The following PRKAR1B variants were observed in gnomAD, a reference collection of about 807,000 sequenced individuals.
PRKAR1B encodes cAMP-dependent protein kinase type I-beta regulatory subunit.
PRKAR1B carries 22 observed loss-of-function variants against 46.5 expected under a neutral mutation model. The ratio of observed to expected loss-of-function variants is 0.47; its 90% confidence interval spans 0.34 to 0.68. The LOEUF (loss-of-function observed/expected upper bound fraction) is 0.68, where lower values mean the gene tolerates loss of function less well. Ranked by LOEUF, PRKAR1B falls within the 30% of genes least tolerant of loss-of-function variation. The probability of loss-of-function intolerance (pLI) is 0.01; values close to 1 mark genes in which losing one functional copy is unlikely to be tolerated. For missense variants in PRKAR1B, 445 were observed against 535.6 expected, an observed-to-expected ratio of 0.83 and a Z score of 1.67; for synonymous variants, 259 against 217.7, an observed-to-expected ratio of 1.19 and a Z score of -1.67.
At chr7:635,354 C>T (rs549278612) in intron 4 of PRKAR1B, among the ~76,000 whole-genome samples, 5 of 152,314 alleles carry the variant, frequency 3.3e-5, no homozygotes, top group African/African-American at 1.2e-4. Flanking sequence ...ATGTTCGCGC[C>T]CAGGCAGACT....
chr7:568,333 G>A (rs961689477), intron 9 of PRKAR1B, among the ~76,000 whole-genome samples: 3 of 152,184 alleles, frequency 2.0e-5, no homozygotes, highest in South Asian at 4.1e-4. Flanking sequence ...AAGTTCCTCC[G>A]GCAGCTGACT....
chr7:599,951 G>A (rs1781498577), intron 6 of PRKAR1B, among the ~76,000 whole-genome samples: 1 of 139,516 alleles, frequency 7.2e-6, no homozygotes, highest in African/African-American at 2.6e-5. Flanking sequence ...CAAGAGCTGG[G>A]GGAGGCGCAC....
intron 2 of PRKAR1B, among the ~76,000 whole-genome samples, chr7:705,806 C>T (rs1780292904): frequency 6.6e-6 from 1 of 152,130 alleles, no homozygotes; most frequent in South Asian, 2.1e-4. Flanking sequence ...GCAGGTGGAT[C>T]ACCTGAGGTC....
At chr7:639,886 C>T (rs889018954) in intron 4 of PRKAR1B, among the ~76,000 whole-genome samples, 1 of 151,522 alleles carries the variant, frequency 6.6e-6, no homozygotes, top group East Asian at 1.9e-4. Context: ...AAAAACTGGC[C>T]GGGTGCAGTG....
At position 677,912 on chromosome 7, in the gene PRKAR1B, C is replaced by T. The variant is rs1282751714; in HGVS notation, c.349-592G>A. Among the ~76,000 whole-genome samples, 4 of 152,334 alleles carry T rather than the reference C, an allele frequency of 2.6e-5. No individual in the cohort carries two copies. The South Asian group carries it at 6.2e-4, about 24-fold the overall frequency. On this transcript the variant is annotated intron_variant, in intron 3 of 10. Transcript: ENST00000537384. ...GAGCCTATCGCTCTAGGCTACAAAT[C>T]TGTACAGGATGTGGCCATCCTCAAC... is the stretch of plus-strand genomic sequence containing the variant.
chr7:635,860 G>A lies in PRKAR1B; in HGVS notation c.441-28408C>T, dbSNP rs529071802. 1.8e-4 allele frequency among the ~76,000 whole-genome samples: 28 copies of A among 152,100 alleles called. 1 individual carries two copies. Among genetic ancestry groups the A allele is most frequent in the Non-Finnish European group, 2.4e-4 (16 of 67,940 alleles). On this transcript the variant is annotated intron_variant, in intron 4 of 10. Coordinates refer to ENST00000537384, the MANE Select transcript of PRKAR1B (RefSeq NM_001164760.2). ...ATTTCAGCAGGCCACTTAATCGCCA[G>A]GCCTCAGTTTCCCCATCTGTGAAAC...
chr7:628,418 C>G (rs1783534595), intron 4 of PRKAR1B, among the ~76,000 whole-genome samples: 1 of 152,246 alleles, frequency 6.6e-6, no homozygotes, highest in Admixed American at 6.5e-5. Flanking sequence ...AGAGGCCTCT[C>G]TCCAGACTGG....
chr7:559,616 C>T (rs1457852524), intron 9 of PRKAR1B, among the ~76,000 whole-genome samples: 2 of 152,186 alleles, frequency 1.3e-5, no homozygotes, highest in Non-Finnish European at 2.9e-5. Context: ...GGAGGAGACA[C>T]ACTAGGAAGC....
At chr7:572,639 G>A (rs543020518) in intron 9 of PRKAR1B, among the ~76,000 whole-genome samples, 354 of 152,316 alleles carry the variant, frequency 2.3e-3, no homozygotes, top group African/African-American at 8.2e-3. Context: ...TCACATCTTC[G>A]GGCGGAGTGG....
chr7:632,509 C>T (rs1453612548), intron 4 of PRKAR1B, among the ~76,000 whole-genome samples: 3 of 152,344 alleles, frequency 2.0e-5, no homozygotes, highest in South Asian at 2.1e-4. Context: ...TCCCCGCTGC[C>T]GGGTCATGGC....
chr7:551,070 A>C (rs1303480291), intron 10 of PRKAR1B, among the ~76,000 whole-genome samples: 1 of 151,572 alleles, frequency 6.6e-6, no homozygotes, highest in Non-Finnish European at 1.5e-5. Flanking sequence ...ACCCACCCCC[A>C]GCTGCAGGAA....
chr7:574,719 T>C (rs71536295), intron 9 of PRKAR1B, among the ~76,000 whole-genome samples: 13,087 of 152,286 alleles, frequency 0.086, 644 homozygotes, highest in East Asian at 0.13. Flanking sequence ...GCTGGGATTA[T>C]AGGCGTGAGC....
intron 3 of PRKAR1B, among the ~76,000 whole-genome samples, chr7:679,883 G>A (rs562898495): frequency 6.6e-6 from 1 of 152,288 alleles, no homozygotes; most frequent in African/African-American, 2.4e-5. Context: ...GAGATGCTGG[G>A]CATGGTGGCT....
chr7:653,880 C>A (rs1024475782), intron 4 of PRKAR1B, among the ~76,000 whole-genome samples: 7 of 151,622 alleles, frequency 4.6e-5, no homozygotes, highest in South Asian at 2.1e-4. Context: ...ACCATCATCA[C>A]CTTCATCACC....
chr7:577,078 GCGGCCTCATCCAACTCCATCAA>G (rs1414753868), intron 9 of PRKAR1B, among the ~76,000 whole-genome samples: 67 of 151,536 alleles, frequency 4.4e-4, no homozygotes, highest in African/African-American at 1.5e-3. Flanking sequence ...AATGCCATCA[GCGGCCTCATCCAACTCCATCAA>G]CGGCCTCGTC....
At chr7:614,123 G>A (rs545170200) in intron 4 of PRKAR1B, among the ~76,000 whole-genome samples, 1 of 152,234 alleles carries the variant, frequency 6.6e-6, no homozygotes, top group Non-Finnish European at 1.5e-5. Context: ...CCGCACGCCC[G>A]ACCAGGACAG....
At chr7:693,719 C>A (rs1007684539) in intron 2 of PRKAR1B, among the ~76,000 whole-genome samples, 1 of 152,122 alleles carries the variant, frequency 6.6e-6, no homozygotes, top group Non-Finnish European at 1.5e-5. Flanking sequence ...CATGTAGAGG[C>A]GTGTGTTTGA....
At chr7:673,062 AAAAAAAAAAAAAAAAAC>A (rs1462344603) in intron 4 of PRKAR1B, among the ~76,000 whole-genome samples, 11 of 137,710 alleles carry the variant, frequency 8.0e-5, no homozygotes, top group Non-Finnish European at 1.6e-4. Context: ...AAAAAAAAAA[AAAAAAAAAAAAAAAAAC>A]ACACACACAC....
intron 9 of PRKAR1B, among the ~76,000 whole-genome samples, chr7:575,710 T>C (rs1189758720): frequency 6.6e-6 from 1 of 152,082 alleles, no homozygotes; most frequent in Non-Finnish European, 1.5e-5. Flanking sequence ...CACACCCAGC[T>C]AATTTTTTCA....
Sources: gnomAD v4.1 joint callset for allele counts (sites outside exome capture counted in the v4.1 genomes callset) on GRCh38, gnomAD v4.1.1 for gene constraint, MANE v1.5 for transcripts, NCBI Gene and HGNC (gene_info 2026-07-23, HGNC 2026-07-21) for gene names.